The following OLFM1 variants were observed in gnomAD, a reference collection of about 807,000 sequenced individuals.
OLFM1 encodes olfactomedin 1, also known as noelin.
Under a neutral mutation model 49.7 loss-of-function variants are expected in OLFM1, and 9 were observed. The ratio of observed to expected loss-of-function variants is 0.18; its 90% CI spans 0.11 to 0.32. The LOEUF (loss-of-function observed/expected upper bound fraction) is 0.32. Among genes scored for constraint, OLFM1 ranks in the 10% least tolerant of loss-of-function variants. OLFM1 has a pLI of 1.00. For missense variants in OLFM1, 369 were observed against 661.8 expected, an observed-to-expected ratio of 0.56 and a Z score of 4.85; for synonymous variants, 240 against 271.8, an observed-to-expected ratio of 0.88 and a Z score of 1.15.
rs1456878362 is a variant in OLFM1 at position 135,090,336 on chromosome 9, C to T, written c.292C>T (p.Leu98=). The change falls in exon 2 of 6, where the codon CTG becomes TTG. Residue 98 remains leucine, a synonymous_variant. Coordinates refer to ENST00000371793, the MANE Select transcript of OLFM1 (RefSeq NM_001282611.2). ...CCGCACAAAACAGCTGAGGCAGCTA[C>T]TGGAGAAGGTGAGTCTGCGCAGAGT... is the stretch of plus-strand genomic sequence containing the variant. The part of the protein sequence containing the change: ...DARTKQLRQL[L]EKVQNMSQSI... The T allele has an allele frequency of 6.2e-7, 1 of 1,613,672 alleles. No individual in the cohort carries two copies. Among genetic ancestry groups the T allele is most frequent in the South Asian group, 1.1e-5 (1 of 91,008 alleles).
chr9:135,076,414 G>A (rs974423274), intron 1 of OLFM1: 9 of 1,474,450 alleles, frequency 6.1e-6, no homozygotes, highest in Non-Finnish European at 8.1e-6. Context: ...GCCCTGTGGC[G>A]TGCTGGTGTG....
intron 1 of OLFM1, chr9:135,076,943 G>A: frequency 4.5e-6 from 7 of 1,550,614 alleles, no homozygotes; most frequent in Non-Finnish European, 6.1e-6. Context: ...CTCTGCCCAG[G>A]ATGTGCAGTC....
chr9:135,112,136 A>G (rs1831031743), intron 5 of OLFM1, among the ~76,000 whole-genome samples: 2 of 152,132 alleles, frequency 1.3e-5, no homozygotes, highest in South Asian at 2.1e-4. Flanking sequence ...GTTTCAGCTC[A>G]TGGCACACAG....
chr9:135,075,856 C>T lies in OLFM1; in HGVS notation c.96+54C>T, dbSNP rs969466707. On this transcript the variant is annotated intron_variant, in intron 1 of 5. Coordinates refer to the OLFM1 transcript ENST00000252854. ...CTGCCAGGCGCCCGGCCCGGCCCCT[C>T]GGGAGCCCCACAAAGTCCGGGAACG... 2.6e-6 allele frequency: 4 copies of T among 1,510,014 alleles called. No individual in the cohort carries two copies. In the Admixed American group the frequency reaches 6.0e-5, roughly 23 times the overall value. The allele number at this position is 1,510,014 out of a possible 1,614,324, so 93.5% of individuals were successfully genotyped here. A position where few individuals can be genotyped will look rare whatever the true frequency, so the allele number is the denominator to read the frequency against.
At chr9:135,106,697 C>T (rs532957547) in intron 4 of OLFM1, 52 bp from the exon 5 acceptor site, 56 of 1,436,192 alleles carry the variant, frequency 3.9e-5, no homozygotes, top group East Asian at 1.2e-4. Flanking sequence ...GGGTCATCAC[C>T]GCGGGCCGGG....
At chr9:135,086,566 C>A (rs1830599648), upstream of OLFM1, 2 of 455,302 alleles carry the variant, frequency 4.4e-6, no homozygotes, top group African/African-American at 4.0e-5. Context: ...AGTGAGTGAT[C>A]TGGAGGATTC....
intron 2 of OLFM1, among the ~76,000 whole-genome samples, chr9:135,091,087 C>G (rs1037241185): frequency 2.0e-5 from 3 of 152,346 alleles, no homozygotes; most frequent in East Asian, 1.9e-4. Flanking sequence ...TGTCCCAAGC[C>G]AAACAGCTGT....
chr9:135,109,140 A>G lies in OLFM1; in HGVS notation c.783+2285A>G, dbSNP rs558300209. ...CTGGACTGCTTTGTCTGTACCTTAC[A>G]CCCCCCAGGGCTGGACTGCTCTGTC... On this transcript the variant is annotated intron_variant, in intron 5 of 5. Transcript: ENST00000371793. Among the ~76,000 whole-genome samples the G allele has an allele frequency of 2.7e-5, 4 of 150,508 alleles. No homozygotes were observed. In the South Asian group the frequency reaches 8.4e-4, roughly 32 times the overall value.
At chr9:135,094,643 C>A (rs1213087644) in intron 2 of OLFM1, among the ~76,000 whole-genome samples, 2 of 152,030 alleles carry the variant, frequency 1.3e-5, no homozygotes, top group Non-Finnish European at 2.9e-5. Flanking sequence ...TTTCTGATAA[C>A]AAGATATGAA....
rs1423605771 is a variant in OLFM1 at position 135,088,959 on chromosome 9, G to GCCAC, written c.150+823_150+826dup. ...GGCTGAGCGAGGCTGAGCTGAAACC[G>GCCAC]CCACCCGGAGGGCCGCGCGGGGAAG... On this transcript the variant is annotated intron_variant, in intron 1 of 5. Coordinates refer to ENST00000371793, the MANE Select transcript of OLFM1 (RefSeq NM_001282611.2). This position sits in a 1 kb window ranked among gnomAD's most constrained non-coding sequence, Gnocchi z 4.8. Among the ~76,000 whole-genome samples, 1 of 152,208 alleles carries GCCAC rather than the reference G, an allele frequency of 6.6e-6. No homozygotes were observed. Among genetic ancestry groups the GCCAC allele is most frequent in the Non-Finnish European group, 1.5e-5 (1 of 68,030 alleles).
At chr9:135,078,182 T>A (rs977887431) in intron 1 of OLFM1, among the ~76,000 whole-genome samples, 1 of 152,204 alleles carries the variant, frequency 6.6e-6, no homozygotes, top group Non-Finnish European at 1.5e-5. Context: ...TGAAGAAGCA[T>A]GTCTGGGCTT....
In OLFM1 at chr9:135,098,108, G is replaced by C; in HGVS notation, c.457-178G>C. On this transcript the variant is annotated intron_variant, in intron 3 of 5. Transcript: ENST00000371793. This position sits in a 1 kb window ranked among gnomAD's most constrained non-coding sequence, Gnocchi z 5.6. ...GACAATAAAGACCTTTCCCAAATAT[G>C]CTGGTGTTCTGAGGACTGTTTAATA... The C allele has an allele frequency of 7.0e-7, 1 of 1,433,516 alleles. No homozygotes were observed. The highest frequency in any genetic ancestry group is 9.1e-7 in the Non-Finnish European group (1 of 1,100,650). 88.8% of individuals were successfully genotyped at this position (1,433,516 alleles called of 1,614,324 possible). A position where few individuals can be genotyped will look rare whatever the true frequency, so the allele number is the denominator to read the frequency against.
At chr9:135,116,577 C>A (rs1831099145) in intron 5 of OLFM1, among the ~76,000 whole-genome samples, 1 of 152,060 alleles carries the variant, frequency 6.6e-6, no homozygotes, top group Non-Finnish European at 1.5e-5. Flanking sequence ...GATGTGTGAA[C>A]ACAGTCAAAG....
chr9:135,075,983 G>T (rs537405608), intron 1 of OLFM1: 1 of 1,430,052 alleles, frequency 7.0e-7, no homozygotes. Context: ...GGGAGGGAGG[G>T]GTGCAGGCTG....
intron 5 of OLFM1, among the ~76,000 whole-genome samples, chr9:135,109,395 T>A (rs1830990864): frequency 6.6e-6 from 1 of 152,188 alleles, no homozygotes; most frequent in African/African-American, 2.4e-5. Context: ...GCTTGATGAC[T>A]GGATCGCCCT....
chr9:135,119,299 G>C (rs1588226557), intron 5 of OLFM1, among the ~76,000 whole-genome samples: 1 of 134,894 alleles, frequency 7.4e-6, no homozygotes, highest in African/African-American at 2.9e-5. Flanking sequence ...AGTACTCACT[G>C]GGTCTTTGGA....
At position 135,113,504 on chromosome 9, in the gene OLFM1, G is replaced by T. The variant is rs1831051952; in HGVS notation, c.784-6000G>T. On this transcript the variant is annotated intron_variant, in intron 5 of 5. Transcript: ENST00000371793. This position sits in a 1 kb window ranked among gnomAD's most constrained non-coding sequence, Gnocchi z 4.0. ...TCCTCACAGGACCTATTTTACAGCA[G>T]AGGGAACTGAGGCACAGAGAGGGGT... 6.6e-6 allele frequency among the ~76,000 whole-genome samples: 1 copy of T among 152,210 alleles called. No individual in the cohort carries two copies. Among genetic ancestry groups the T allele is most frequent in the Non-Finnish European group, 1.5e-5 (1 of 68,040 alleles).
At chr9:135,106,233 T>TG (rs1830941289) in intron 4 of OLFM1, 1 of 154,110 alleles carries the variant, frequency 6.5e-6, no homozygotes, top group African/African-American at 2.4e-5. Context: ...CCGGGGCGGC[T>TG]GGTGGTGCTG....
At position 135,091,850 on chromosome 9, in the gene OLFM1, CAT is replaced by C. The variant is rs781755906; in HGVS notation, c.300+1508_300+1509del. ...ACTCACAGTCACACACACACTCACACATAGTCACACACACTCACACACAGTCA... is the reference window on the plus strand; with the variant it reads ...ACTCACAGTCACACACACACTCACACAGTCACACACACTCACACACAGTCA... On this transcript the variant is annotated intron_variant, in intron 2 of 5. Coordinates refer to ENST00000371793, the MANE Select transcript of OLFM1 (RefSeq NM_001282611.2). 3.1e-3 allele frequency among the ~76,000 whole-genome samples: 400 copies of C among 127,470 alleles called. 1 individual carries two copies. Among genetic ancestry groups the C allele is most frequent in the Middle Eastern group, 0.011 (3 of 274 alleles). 83.6% of individuals were successfully genotyped at this position (127,470 alleles called of 152,430 possible).
Sources: gnomAD v4.1 joint callset for allele counts (sites outside exome capture counted in the v4.1 genomes callset) on GRCh38, gnomAD v4.1.1 for gene constraint, Gnocchi (gnomAD v3.1) non-coding constraint, MANE v1.5 for transcripts, NCBI Gene and HGNC (gene_info 2026-07-23, HGNC 2026-07-21) for gene names.